PRKCH: variants seen among roughly 807,000 people sequenced by gnomAD.
PRKCH encodes protein kinase C eta.
In PRKCH, 28 loss-of-function variants were observed where a neutral mutation model predicts 82.5. The ratio of observed to expected loss-of-function variants is 0.34; its 90% CI spans 0.25 to 0.47. PRKCH has a LOEUF of 0.47. Among genes scored for constraint, PRKCH ranks in the 20% least tolerant of loss-of-function variants. The pLI is 1.00. For missense variants in PRKCH, 705 were observed against 881.8 expected, an observed-to-expected ratio of 0.80 and a Z score of 2.54; for synonymous variants, 322 against 327.4, an observed-to-expected ratio of 0.98 and a Z score of 0.18.
intron 1 of PRKCH, among the ~76,000 whole-genome samples, chr14:61,188,299 G>T (rs1249869689): frequency 2.0e-5 from 3 of 152,172 alleles, no homozygotes; most frequent in Non-Finnish European, 4.4e-5. Context: ...TTCTGTGCCT[G>T]TCAAGGCAGG....
At chr14:61,494,275 A>C (rs1202602940) in intron 10 of PRKCH, among the ~76,000 whole-genome samples, 3 of 152,246 alleles carry the variant, frequency 2.0e-5, no homozygotes, top group Non-Finnish European at 2.9e-5. Context: ...ACCAGACTCC[A>C]TTAGAAATCT....
At chr14:61,300,858 A>T (rs886233428) in intron 1 of PRKCH, among the ~76,000 whole-genome samples, 2 of 152,154 alleles carry the variant, frequency 1.3e-5, no homozygotes, top group Non-Finnish European at 2.9e-5. Context: ...ATGGTAAAGA[A>T]CAGAAAACGT....
intron 10 of PRKCH, among the ~76,000 whole-genome samples, chr14:61,490,757 T>C (rs369674269): frequency 6.6e-6 from 1 of 152,044 alleles, no homozygotes; most frequent in Non-Finnish European, 1.5e-5. Flanking sequence ...CTATAAAAAA[T>C]ACAAAAATTA....
intron 1 of PRKCH, chr14:61,348,106 T>G (rs1187432677): frequency 6.6e-6 from 1 of 152,224 alleles, no homozygotes; most frequent in East Asian, 1.9e-4. Flanking sequence ...TCCAGTTTTA[T>G]CAGCACCGGT....
chr14:61,235,009 C>G (rs2044775965), intron 1 of PRKCH, among the ~76,000 whole-genome samples: 1 of 152,190 alleles, frequency 6.6e-6, no homozygotes, highest in Admixed American at 6.5e-5. Context: ...TGCATGACCC[C>G]CGTATCCACT....
intron 5 of PRKCH, 128 bp downstream of exon 5, chr14:61,449,380 T>C: frequency 1.4e-6 from 1 of 731,596 alleles, no homozygotes; most frequent in Non-Finnish European, 2.3e-6. Flanking sequence ...AACCTCTGCT[T>C]TCCTCCCCCT....
chr14:61,201,807 T>C (rs2044484137), intron 1 of PRKCH, among the ~76,000 whole-genome samples: 1 of 152,126 alleles, frequency 6.6e-6, no homozygotes, highest in African/African-American at 2.4e-5. Flanking sequence ...ATCCTTGAAG[T>C]TGATAAGCAA....
At chr14:61,233,595 T>C (rs1277320273) in intron 1 of PRKCH, among the ~76,000 whole-genome samples, 1 of 152,162 alleles carries the variant, frequency 6.6e-6, no homozygotes, top group African/African-American at 2.4e-5. Flanking sequence ...GTAGTTCCCA[T>C]AATCCTCATG....
chr14:61,387,356 T>C (rs575253464), intron 1 of PRKCH, among the ~76,000 whole-genome samples: 1 of 152,366 alleles, frequency 6.6e-6, no homozygotes, highest in Non-Finnish European at 1.5e-5. Context: ...GAATCCCAGA[T>C]GAGCCATTTG....
chr14:61,453,287 T>G lies in PRKCH; in HGVS notation c.894T>G (p.Asn298Lys). 1 of 1,614,198 alleles carries G rather than the reference T, an allele frequency of 6.2e-7. No homozygotes were observed. Among genetic ancestry groups the G allele is most frequent in the East Asian group, 2.2e-5 (1 of 44,878 alleles). The change falls in exon 7 of 14, where the codon AAT becomes AAG. Residue 298 changes from asparagine (N) to lysine (K), a missense_variant. Around this residue, in one of 5 missense-constraint regions of PRKCH, gnomAD observed 238 missense variants for 258.1 expected, o/e 0.92. Transcript: ENST00000332981. The stretch of plus-strand genomic sequence containing the variant: ...ACGTGGCCCCTAACTGTGGGGTAAA[T>G]GCGGTGGAACTTGCCAAGACCCTGG... Reference protein sequence around the residue: ...QANVAPNCGVNAVELAKTLAG... With the variant: ...QANVAPNCGVKAVELAKTLAG...
chr14:61,498,382 C>G (rs953685965), intron 10 of PRKCH, among the ~76,000 whole-genome samples: 8 of 152,202 alleles, frequency 5.3e-5, no homozygotes, highest in Admixed American at 4.6e-4. Flanking sequence ...AATTGGTAAC[C>G]TGCTGTTTTA....
At chr14:61,355,593 T>C (rs917723612) in intron 1 of PRKCH, among the ~76,000 whole-genome samples, 3 of 152,202 alleles carry the variant, frequency 2.0e-5, no homozygotes, top group Admixed American at 2.0e-4. Context: ...AAATTTATCT[T>C]CTTACCTTTT....
intron 12 of PRKCH, among the ~76,000 whole-genome samples, chr14:61,534,745 T>A (rs533079420): frequency 6.6e-6 from 1 of 152,166 alleles, no homozygotes; most frequent in African/African-American, 2.4e-5. Flanking sequence ...GGACTTTACA[T>A]GTTAGAATGG....
intron 1 of PRKCH, among the ~76,000 whole-genome samples, chr14:61,310,401 T>C (rs1392690113): frequency 1.3e-5 from 2 of 152,218 alleles, no homozygotes; most frequent in Non-Finnish European, 2.9e-5. Flanking sequence ...ACAAAGTGGC[T>C]ACAAGCCCCA....
intron 1 of PRKCH, chr14:61,281,289 CT>C: frequency 2.4e-6 from 1 of 409,704 alleles, no homozygotes. Flanking sequence ...GCCCGGGCCC[CT>C]CCTCTGCCTC....
chr14:61,501,578 G>A (rs986986056), intron 10 of PRKCH, among the ~76,000 whole-genome samples: 7 of 151,864 alleles, frequency 4.6e-5, no homozygotes, highest in Admixed American at 1.3e-4. Context: ...TCTGGCACAG[G>A]GCATGGCAAT....
intron 1 of PRKCH, among the ~76,000 whole-genome samples, chr14:61,210,156 ATAT>A (rs2044562540): frequency 1.9e-5 from 2 of 103,434 alleles, no homozygotes; most frequent in African/African-American, 3.8e-5. Flanking sequence ...ATATATATAT[ATAT>A]ATAAATTAGC....
chr14:61,240,431 G>A (rs1410357367), intron 1 of PRKCH, among the ~76,000 whole-genome samples: 1 of 152,066 alleles, frequency 6.6e-6, no homozygotes, highest in Non-Finnish European at 1.5e-5. Flanking sequence ...AATGCGAGTT[G>A]CCATGAAGTC....
At chr14:61,521,533 A>G (rs2042906687) in intron 10 of PRKCH, among the ~76,000 whole-genome samples, 1 of 152,020 alleles carries the variant, frequency 6.6e-6, no homozygotes, top group Admixed American at 6.5e-5. Flanking sequence ...CTGAATGTAC[A>G]AGATTGATGT....
Sources: gnomAD v4.1 joint callset for allele counts (sites outside exome capture counted in the v4.1 genomes callset) on GRCh38, gnomAD v4.1.1 for gene constraint, gnomAD v4.1.1 regional missense constraint, MANE v1.5 for transcripts, NCBI Gene and HGNC (gene_info 2026-07-23, HGNC 2026-07-21) for gene names.